The following RRAGB variants were observed in gnomAD, a reference collection of about 807,000 sequenced individuals.
RRAGB encodes the protein ras-related GTP-binding protein B.
Under a neutral mutation model 29.3 loss-of-function variants are expected in RRAGB, and 6 were observed. The observed-to-expected ratio is 0.21, with a 90% confidence interval of 0.11 to 0.40. The LOEUF (loss-of-function observed/expected upper bound fraction) is 0.40, where lower values mean the gene tolerates loss of function less well. Among genes scored for constraint, RRAGB ranks in the 10% least tolerant of loss-of-function variants. The probability of loss-of-function intolerance (pLI) is 1.00; values close to 1 mark genes in which losing one functional copy is unlikely to be tolerated. For missense variants in RRAGB, 184 were observed against 272.9 expected, an observed-to-expected ratio of 0.67 and a Z score of 2.29; for synonymous variants, 101 against 92.5, an observed-to-expected ratio of 1.09 and a Z score of -0.53.
intron 5 of RRAGB, among the ~76,000 whole-genome samples, chrX:55,735,511 A>C (rs1374688981): frequency 8.9e-6 from 1 of 112,303 alleles, no homozygotes; most frequent in Non-Finnish European, 1.9e-5. Context: ...AATCTTTACA[A>C]GTTAACTGGG....
Position 55,719,354 on chromosome X carries a change from CGT to C in RRAGB, c.126+10_126+11del. The C allele has an allele frequency of 8.6e-7, 1 of 1,169,209 alleles. No individual in the cohort carries two copies. The highest frequency in any genetic ancestry group is 1.1e-6 in the Non-Finnish European group (1 of 870,592). Reference sequence around the variant, plus strand: ...TACAGCCATGAAGAAAAAGGTAAGACGTGTTAGATACGTCAAAACCATGAAGG... The same window carrying C: ...TACAGCCATGAAGAAAAAGGTAAGACGTTAGATACGTCAAAACCATGAAGG... On this transcript the variant is annotated splice_region_variant and intron_variant, in intron 2 of 9. Coordinates refer to ENST00000374941, the MANE Select transcript of RRAGB (RefSeq NM_006064.5).
intron 7 of RRAGB, among the ~76,000 whole-genome samples, chrX:55,753,789 A>G (rs184813767): frequency 3.3e-4 from 37 of 112,658 alleles, no homozygotes; most frequent in African/African-American, 1.2e-3. Flanking sequence ...TCACGCCTGT[A>G]ATCCCAGCAC....
chrX:55,741,427 A>G (rs1361392128), intron 5 of RRAGB, among the ~76,000 whole-genome samples: 3 of 112,501 alleles, frequency 2.7e-5, no homozygotes, highest in Non-Finnish European at 5.6e-5. Context: ...TAAAATAAAT[A>G]TAAAATAAAC....
chrX:55,758,384 C>G lies in RRAGB; in HGVS notation c.*41C>G. On this transcript the variant is annotated 3_prime_UTR_variant, in exon 10 of 10. Transcript: ENST00000374941. ...GTTTCACACAAAAATTAAAAGTTTC[C>G]TAATTAATGTTGTATTCATATATGT... is the stretch of plus-strand genomic sequence containing the variant. The G allele has an allele frequency of 2.1e-6, 2 of 954,640 alleles. No individual in the cohort carries two copies. Among genetic ancestry groups the G allele is most frequent in the Non-Finnish European group, 3.0e-6 (2 of 677,820 alleles). 78.7% of individuals were successfully genotyped at this position (954,640 alleles called of 1,213,427 possible).
rs3077387 is a variant in RRAGB, at chrX:55,720,687, CAAA to C, written c.126+1354_126+1356del. Among the ~76,000 whole-genome samples, 530 of 90,458 alleles carry C rather than the reference CAAA, an allele frequency of 5.9e-3. 3 individuals carry two copies. The highest frequency in any genetic ancestry group is 0.019 in the African/African-American group (469 of 24,881). 78.6% of individuals were successfully genotyped at this position (90,458 alleles called of 115,157 possible). A position where few individuals can be genotyped will look rare whatever the true frequency, so the allele number is the denominator to read the frequency against. ...AAAACCCTGTCTGTACTAAATATAC[CAAA>C]AAAAAAAAAAAAATAGCCGGACATG... On this transcript the variant is annotated intron_variant, in intron 2 of 9. Transcript: ENST00000374941.
chrX:55,732,377 ATCC>A (rs1247231970), intron 5 of RRAGB, among the ~76,000 whole-genome samples: 1 of 111,850 alleles, frequency 8.9e-6, no homozygotes, highest in African/African-American at 3.3e-5. Context: ...AAAAGAGAAG[ATCC>A]TCCTCTATTT....
chrX:55,753,541 A>C (rs771494395), intron 7 of RRAGB, 27 bp downstream of exon 7: 1 of 1,153,265 alleles, frequency 8.7e-7, no homozygotes, highest in East Asian at 3.0e-5. Flanking sequence ...TTGCAGATGT[A>C]CTTCACACTG....
chrX:55,719,579 A>G (rs2033185649), intron 2 of RRAGB, among the ~76,000 whole-genome samples: 1 of 112,053 alleles, frequency 8.9e-6, no homozygotes, highest in Non-Finnish European at 1.9e-5. Flanking sequence ...AGCCCATGGA[A>G]TAAAATCCAA....
Position 55,758,405 on chromosome X carries a change from T to C in RRAGB, c.*62T>C. On this transcript the variant is annotated 3_prime_UTR_variant, in exon 10 of 10. Coordinates refer to ENST00000374941, the MANE Select transcript of RRAGB (RefSeq NM_006064.5). The stretch of plus-strand genomic sequence containing the variant: ...TTTCCTAATTAATGTTGTATTCATA[T>C]ATGTAGGCTCTGAAATGTTGTGATG... 1 of 743,240 alleles carries C rather than the reference T, an allele frequency of 1.3e-6. No homozygotes were observed. The highest frequency in any genetic ancestry group is 2.1e-5 in the African/African-American group (1 of 48,188). The allele number at this position is 743,240 out of a possible 1,213,427, so 61.3% of individuals were successfully genotyped here. A position where few individuals can be genotyped will look rare whatever the true frequency, so the allele number is the denominator to read the frequency against.
intron 3 of RRAGB, among the ~76,000 whole-genome samples, chrX:55,728,728 T>C (rs760251629): frequency 7.2e-4 from 80 of 110,613 alleles, no homozygotes; most frequent in Non-Finnish European, 1.4e-3. Flanking sequence ...AGACATGAGA[T>C]GATAAGGGGC....
intron 7 of RRAGB, among the ~76,000 whole-genome samples, chrX:55,753,811 G>C (rs1460537522): frequency 2.7e-5 from 3 of 112,201 alleles, no homozygotes; most frequent in Non-Finnish European, 5.6e-5. Context: ...TTGGGAGGCC[G>C]AGGCGGGTGG....
At position 55,757,357 on chromosome X, in the gene RRAGB, G is replaced by A. The variant is rs749287785; in HGVS notation, c.943+26G>A. 3 of 915,762 alleles carry A rather than the reference G, an allele frequency of 3.3e-6. No homozygotes were observed. In the South Asian group the frequency reaches 7.1e-5, roughly 22 times the overall value. 75.5% of individuals were successfully genotyped at this position (915,762 alleles called of 1,213,427 possible). On this transcript the variant is annotated intron_variant, in intron 9 of 9. Coordinates refer to ENST00000374941, the MANE Select transcript of RRAGB (RefSeq NM_006064.5). ...GTAAGTTTAAACTTAGCTGACCTAG[G>A]TTCAAAGCCACATACTCTTTAAACA...
At chrX:55,720,418 T>G (rs1178927215) in intron 2 of RRAGB, among the ~76,000 whole-genome samples, 1 of 112,472 alleles carries the variant, frequency 8.9e-6, no homozygotes, top group Non-Finnish European at 1.9e-5. Flanking sequence ...TAAAGTTATA[T>G]AGCTACATTT....
chrX:55,729,889 A>G (rs181487868), intron 4 of RRAGB, among the ~76,000 whole-genome samples: 85 of 112,445 alleles, frequency 7.6e-4, no homozygotes, highest in Middle Eastern at 9.3e-3. Flanking sequence ...TATGCTGGCT[A>G]TGGTGCATCT....
rs757693241 is a variant in RRAGB, at chrX:55,727,405, C to G, written c.227-1889C>G. The stretch of plus-strand genomic sequence containing the variant: ...TACAAAGACATGTAAGATATGATTC[C>G]TTTTCCAAGGAGGGGGAAGTAAAGG... On this transcript the variant is annotated intron_variant, in intron 3 of 9. Coordinates refer to ENST00000374941, the MANE Select transcript of RRAGB (RefSeq NM_006064.5). 3 of 736,447 alleles carry G rather than the reference C, an allele frequency of 4.1e-6. No individual in the cohort carries two copies. In the South Asian group the frequency reaches 6.6e-5, roughly 16 times the overall value. The allele number at this position is 736,447 out of a possible 1,213,427, so 60.7% of individuals were successfully genotyped here. A position where few individuals can be genotyped will look rare whatever the true frequency, so the allele number is the denominator to read the frequency against.
At chrX:55,721,134 G>A (rs1054516658) in intron 2 of RRAGB, among the ~76,000 whole-genome samples, 4 of 111,222 alleles carry the variant, frequency 3.6e-5, no homozygotes, top group African/African-American at 1.3e-4. Context: ...TTCTATATTT[G>A]TTTTGATAAC....
chrX:55,755,536 C>T (rs934622820), intron 7 of RRAGB: 2 of 736,838 alleles, frequency 2.7e-6, no homozygotes, highest in African/African-American at 2.3e-5. Flanking sequence ...GACCATCATG[C>T]GAAATATTGA....
At chrX:55,741,731 A>G (rs1391247055) in intron 5 of RRAGB, among the ~76,000 whole-genome samples, 1 of 111,506 alleles carries the variant, frequency 9.0e-6, no homozygotes, top group Non-Finnish European at 1.9e-5. Context: ...ATTAAATAAG[A>G]CTCACTTATA....
chrX:55,741,807 T>G (rs1017919234), intron 5 of RRAGB, among the ~76,000 whole-genome samples: 1 of 112,054 alleles, frequency 8.9e-6, no homozygotes, highest in Non-Finnish European at 1.9e-5. Context: ...AAAACTACCT[T>G]CACAGTGATA....
Sources: gnomAD v4.1 joint callset for allele counts (sites outside exome capture counted in the v4.1 genomes callset) on GRCh38, gnomAD v4.1.1 for gene constraint, MANE v1.5 for transcripts, NCBI Gene and HGNC (gene_info 2026-07-23, HGNC 2026-07-21) for gene names.